Variants in PAPSS1 observed in about 807,000 individuals in gnomAD.
PAPSS1 encodes bifunctional 3'-phosphoadenosine 5'-phosphosulfate synthase 1.
In PAPSS1, 50 loss-of-function variants were observed where a neutral mutation model predicts 72.0. That is an observed-to-expected ratio of 0.69 (90% confidence interval 0.55 to 0.88). PAPSS1 has a LOEUF of 0.88. Among genes scored for constraint, PAPSS1 ranks in the 40% least tolerant of loss-of-function variants. PAPSS1 has a pLI of 0.00. For missense variants in PAPSS1, 657 were observed against 782.2 expected (o/e 0.84, Z 1.91); for synonymous variants, 261 against 263.6 (o/e 0.99, Z 0.09).
chr4:107,621,269 A>G (rs1411868465), intron 11 of PAPSS1, among the ~76,000 whole-genome samples: 1 of 152,206 alleles, frequency 6.6e-6, no homozygotes, highest in African/African-American at 2.4e-5. Context: ...CATTAAAATG[A>G]TAACAAAGAA....
At chr4:107,620,783 A>C (rs1248513187) in intron 11 of PAPSS1, among the ~76,000 whole-genome samples, 2 of 152,270 alleles carry the variant, frequency 1.3e-5, no homozygotes, top group East Asian at 1.9e-4. Context: ...TTAAGAAAGA[A>C]AGACAGATTG....
chr4:107,631,535 C>T, intron 11 of PAPSS1, 96 bp downstream of exon 11: 3 of 812,102 alleles, frequency 3.7e-6, no homozygotes, highest in Non-Finnish European at 5.9e-6. Context: ...TACCACAAAA[C>T]CTGTCATCAG....
At chr4:107,648,313 C>T (rs1454731033) in intron 9 of PAPSS1, among the ~76,000 whole-genome samples, 1 of 152,208 alleles carries the variant, frequency 6.6e-6, no homozygotes. Context: ...GCCGCTTCAT[C>T]TAGAGGCGTT....
intron 1 of PAPSS1, among the ~76,000 whole-genome samples, chr4:107,714,367 T>A (rs1372327364): frequency 1.3e-5 from 2 of 152,194 alleles, no homozygotes; most frequent in Non-Finnish European, 2.9e-5. Flanking sequence ...GAAGTCTCTA[T>A]AGCCACTGCA....
At chr4:107,684,310 C>T (rs2110337937) in intron 4 of PAPSS1, among the ~76,000 whole-genome samples, 2 of 152,230 alleles carry the variant, frequency 1.3e-5, no homozygotes, top group Middle Eastern at 6.8e-3. Context: ...TTATTTAACC[C>T]TATATATCAT....
intron 5 of PAPSS1, among the ~76,000 whole-genome samples, chr4:107,672,328 G>T (rs1202682010): frequency 6.6e-6 from 1 of 152,204 alleles, no homozygotes; most frequent in Non-Finnish European, 1.5e-5. Context: ...CAAAGAAAGG[G>T]GTGACACACG....
intron 1 of PAPSS1, among the ~76,000 whole-genome samples, chr4:107,707,344 G>C (rs1450381354): frequency 6.6e-6 from 1 of 152,234 alleles, no homozygotes; most frequent in African/African-American, 2.4e-5. Context: ...ACTGGGGCCA[G>C]CCTGGCCCTA....
chr4:107,633,892 C>T (rs1006791062), intron 10 of PAPSS1, among the ~76,000 whole-genome samples: 1 of 133,208 alleles, frequency 7.5e-6, no homozygotes, highest in Non-Finnish European at 1.5e-5. Flanking sequence ...GCAGTCCGGC[C>T]TGGGCGAAAG....
intron 1 of PAPSS1, among the ~76,000 whole-genome samples, chr4:107,706,772 C>T (rs1012033029): frequency 1.3e-5 from 2 of 152,168 alleles, no homozygotes; most frequent in South Asian, 2.1e-4. Context: ...TTGGGAAGCA[C>T]TTCACCAGTC....
At chr4:107,712,495 C>G (rs1723518871) in intron 1 of PAPSS1, among the ~76,000 whole-genome samples, 1 of 152,142 alleles carries the variant, frequency 6.6e-6, no homozygotes, top group South Asian at 2.1e-4. Context: ...TAAGACTAAC[C>G]ACAAAAACTT....
intron 9 of PAPSS1, among the ~76,000 whole-genome samples, chr4:107,651,054 C>T (rs2110316137): frequency 6.6e-6 from 1 of 152,008 alleles, no homozygotes; most frequent in African/African-American, 2.4e-5. Flanking sequence ...AACATGTTAG[C>T]AAAAAAGAAG....
Position 107,687,176 on chromosome 4 carries a change from T to A in PAPSS1, c.413A>T (p.Asp138Val). 1.9e-6 allele frequency: 3 copies of A among 1,552,288 alleles called. No homozygotes were observed. The highest frequency in any genetic ancestry group is 2.6e-6 in the Non-Finnish European group (3 of 1,158,914). Residue 138 changes from aspartate to valine, a missense_variant and splice_region_variant, in exon 4 of 12, where the codon GAT (aspartate) becomes GTT (valine). Coordinates refer to ENST00000265174, the MANE Select transcript of PAPSS1 (RefSeq NM_005443.5). The part of the protein sequence containing the change: ...ITSFISPYTQ[D>V]RNNARQIHEG... ...ATGAATTTGCCTTGCATTGTTGCGA[T>A]CCTTAAAAAAAAATAAAATAAAAAG...
chr4:107,626,205 G>A (rs1301705850), intron 11 of PAPSS1, among the ~76,000 whole-genome samples: 1 of 151,116 alleles, frequency 6.6e-6, no homozygotes, highest in Admixed American at 6.6e-5. Context: ...GTATACTCTG[G>A]CATCAAAAAC....
chr4:107,678,625 AG>A (rs1727723309), intron 5 of PAPSS1, among the ~76,000 whole-genome samples: 1 of 152,170 alleles, frequency 6.6e-6, no homozygotes, highest in African/African-American at 2.4e-5. Flanking sequence ...AAACTTTTAA[AG>A]GCTGAGTGTA....
At chr4:107,634,922 C>A (rs552497659) in intron 10 of PAPSS1, among the ~76,000 whole-genome samples, 1 of 150,630 alleles carries the variant, frequency 6.6e-6, no homozygotes, top group Non-Finnish European at 1.5e-5. Context: ...CTCAGTCTCC[C>A]GAGTAGCTGG....
chr4:107,618,372 G>T (rs1237253283), intron 11 of PAPSS1, among the ~76,000 whole-genome samples: 1 of 147,548 alleles, frequency 6.8e-6, no homozygotes, highest in Non-Finnish European at 1.5e-5. Context: ...GTTGAGATGT[G>T]ATTTTTTTTT....
At position 107,613,951 on chromosome 4, in the gene PAPSS1, T is replaced by A. The variant is rs989472909; in HGVS notation, c.*298A>T. 9.8e-6 allele frequency: 2 copies of A among 204,930 alleles called. No homozygotes were observed. Among genetic ancestry groups the A allele is most frequent in the African/African-American group, 4.6e-5 (2 of 43,292 alleles). 12.7% of individuals were successfully genotyped at this position (204,930 alleles called of 1,614,324 possible). A position where few individuals can be genotyped will look rare whatever the true frequency, so the allele number is the denominator to read the frequency against. Reference sequence around the variant, plus strand: ...TGAATACTACTGGTTACAACTAATATAACAGCTTGAAAAAATCATGACACA... The same window carrying A: ...TGAATACTACTGGTTACAACTAATAAAACAGCTTGAAAAAATCATGACACA... On this transcript the variant is annotated 3_prime_UTR_variant, in exon 12 of 12. Coordinates refer to ENST00000265174, the MANE Select transcript of PAPSS1 (RefSeq NM_005443.5).
chr4:107,659,597 G>T lies in PAPSS1; in HGVS notation c.783+362C>A, dbSNP rs912089120. Among the ~76,000 whole-genome samples, 10 of 152,074 alleles carry T rather than the reference G, an allele frequency of 6.6e-5. No individual in the cohort carries two copies. In the East Asian group the frequency reaches 1.5e-3, roughly 24 times the overall value. On this transcript the variant is annotated intron_variant, in intron 6 of 11. Coordinates refer to ENST00000265174, the MANE Select transcript of PAPSS1 (RefSeq NM_005443.5). ...ACAGAGAGAGTCAAGTTTTGGCAAGGGATTAGAAAACATGTCTGAAGGGGA... is the reference window on the plus strand; with the variant it reads ...ACAGAGAGAGTCAAGTTTTGGCAAGTGATTAGAAAACATGTCTGAAGGGGA...
chr4:107,685,348 G>A (rs1459554999), intron 4 of PAPSS1, among the ~76,000 whole-genome samples: 1 of 152,138 alleles, frequency 6.6e-6, no homozygotes. Context: ...ACTCCAGCCA[G>A]GATGACAAAC....
Sources: gnomAD v4.1 joint callset for allele counts (sites outside exome capture counted in the v4.1 genomes callset) on GRCh38, gnomAD v4.1.1 for gene constraint, MANE v1.5 for transcripts, NCBI Gene and HGNC (gene_info 2026-07-23, HGNC 2026-07-21) for gene names.